The following ZNF362 variants were observed in gnomAD, a reference collection of about 807,000 sequenced individuals.
The protein encoded by ZNF362 is rotund homolog.
Under a neutral mutation model 42.9 loss-of-function variants are expected in ZNF362, and 11 were observed. The observed-to-expected ratio is 0.26, with a 90% CI of 0.16 to 0.42. ZNF362 has a LOEUF of 0.42. ZNF362 is among the 20% of genes least tolerant of loss of function. ZNF362 has a pLI of 1.00. For missense variants in ZNF362, 362 were observed against 576.2 expected (o/e 0.63, Z 3.81); for synonymous variants, 255 against 257.3 (o/e 0.99, Z 0.09).
At chr1:33,203,969 T>C in the ZNF362 span, among the ~76,000 whole-genome samples, 2 of 152,196 alleles carry the variant, frequency 1.3e-5, no homozygotes, top group Non-Finnish European at 2.9e-5. Context: ...AGAAGCTCTT[T>C]GGTTTGATGT....
the ZNF362 span, among the ~76,000 whole-genome samples, chr1:33,204,231 CT>C: frequency 6.6e-6 from 1 of 152,112 alleles, no homozygotes; most frequent in African/African-American, 2.4e-5. Context: ...AAGAGGCTGT[CT>C]TTTCCCCATT....
chr1:33,279,646 C>CTTTTTTT (rs567406398), intron 4 of ZNF362, among the ~76,000 whole-genome samples: 3 of 147,344 alleles, frequency 2.0e-5, no homozygotes, highest in Non-Finnish European at 4.5e-5. Flanking sequence ...AGTTAAGCCT[C>CTTTTTTT]TTTTTTTTTT....
chr1:33,255,741 A>C (rs1645783448), upstream of ZNF362, among the ~76,000 whole-genome samples: 1 of 151,958 alleles, frequency 6.6e-6, no homozygotes, highest in South Asian at 2.1e-4. Context: ...GGCCTGTGCA[A>C]ACTTCTACTC....
At chr1:33,255,627 G>C (rs1353743113), upstream of ZNF362, among the ~76,000 whole-genome samples, 6 of 152,190 alleles carry the variant, frequency 3.9e-5, no homozygotes. Context: ...GGAGCCGGGG[G>C]ACAGCCGGTG....
chr1:33,284,929 G>A (rs567866491), intron 6 of ZNF362, among the ~76,000 whole-genome samples: 2 of 152,186 alleles, frequency 1.3e-5, no homozygotes, highest in African/African-American at 4.8e-5. Context: ...GGATGTCAAC[G>A]TGGCAGCCTG....
chr1:33,193,004 C>CACACACACACACATATATATATAT, the ZNF362 span, among the ~76,000 whole-genome samples: 422 of 137,214 alleles, frequency 3.1e-3, 1 homozygote, highest in East Asian at 0.02. Flanking sequence ...CACACACACA[C>CACACACACACACATATATATATAT]ATATATATAT....
chr1:33,283,016 T>C (rs1646007562), intron 6 of ZNF362, among the ~76,000 whole-genome samples: 1 of 152,192 alleles, frequency 6.6e-6, no homozygotes, highest in African/African-American at 2.4e-5. Context: ...TGTCACGTGT[T>C]TGCCAATATC....
At chr1:33,227,077 T>G in the ZNF362 span, among the ~76,000 whole-genome samples, 13 of 152,158 alleles carry the variant, frequency 8.5e-5, no homozygotes, top group South Asian at 2.1e-4. Flanking sequence ...GTTTCTTTTT[T>G]GGGGTGATAA....
the ZNF362 span, chr1:33,147,868 C>T: frequency 2.2e-6 from 2 of 889,334 alleles, no homozygotes; most frequent in East Asian, 2.6e-5. This position sits in a 1 kb window ranked among gnomAD's most constrained non-coding sequence, Gnocchi z 8.1. Flanking sequence ...CAAGTCTGCC[C>T]TCTCTGGGCC....
At chr1:33,248,975 C>CGTCATT in the ZNF362 span, among the ~76,000 whole-genome samples, 2 of 152,156 alleles carry the variant, frequency 1.3e-5, no homozygotes, top group Non-Finnish European at 2.9e-5. Context: ...ATTCAATCTC[C>CGTCATT]GTCATTTTTT....
chr1:33,282,667 C>G (rs1646004061), intron 6 of ZNF362, among the ~76,000 whole-genome samples: 1 of 151,910 alleles, frequency 6.6e-6, no homozygotes, highest in African/African-American at 2.4e-5. Context: ...ACTAAAAATA[C>G]AAAAATTAGC....
the ZNF362 span, among the ~76,000 whole-genome samples, chr1:33,242,053 A>C: frequency 1.1e-4 from 16 of 152,190 alleles, no homozygotes; most frequent in Admixed American, 9.8e-4. Context: ...AGCAAGAAGA[A>C]CAAATTCCGG....
chr1:33,260,787 C>G (rs1012782694), intron 1 of ZNF362, among the ~76,000 whole-genome samples: 1 of 152,060 alleles, frequency 6.6e-6, no homozygotes, highest in Non-Finnish European at 1.5e-5. Flanking sequence ...CCTCCCACCC[C>G]GGGAGACTCA....
intron 1 of ZNF362, among the ~76,000 whole-genome samples, chr1:33,267,004 G>T (rs1246475962): frequency 6.6e-6 from 1 of 152,148 alleles, no homozygotes; most frequent in Non-Finnish European, 1.5e-5. Context: ...TCCCCGCTGG[G>T]GCCCCTGGAT....
the ZNF362 span, among the ~76,000 whole-genome samples, chr1:33,175,946 G>T: frequency 6.6e-6 from 1 of 152,114 alleles, no homozygotes; most frequent in African/African-American, 2.4e-5. Flanking sequence ...CCCAATGTTG[G>T]CCCTAAGCTT....
the ZNF362 span, among the ~76,000 whole-genome samples, chr1:33,248,753 T>G: frequency 6.6e-6 from 1 of 152,178 alleles, no homozygotes; most frequent in Non-Finnish European, 1.5e-5. Flanking sequence ...ATGCAGGTTA[T>G]TTTACTGAGA....
chr1:33,190,026 C>T, the ZNF362 span, among the ~76,000 whole-genome samples: 2 of 152,012 alleles, frequency 1.3e-5, no homozygotes, highest in Non-Finnish European at 2.9e-5. Context: ...TCAGTCCGGA[C>T]TCTGAATTCC....
the ZNF362 span, among the ~76,000 whole-genome samples, chr1:33,220,141 A>G: frequency 6.6e-6 from 1 of 152,056 alleles, no homozygotes; most frequent in Non-Finnish European, 1.5e-5. Context: ...TGGGCTTTGT[A>G]GGGAAGGAAA....
intron 6 of ZNF362, among the ~76,000 whole-genome samples, chr1:33,291,899 A>T (rs923768207): frequency 2.6e-5 from 4 of 152,096 alleles, no homozygotes; most frequent in African/African-American, 4.8e-5. Context: ...AATGCTTGTG[A>T]TTTTTGCATA....
Sources: gnomAD v4.1 joint callset for allele counts (sites outside exome capture counted in the v4.1 genomes callset) on GRCh38, gnomAD v4.1.1 for gene constraint, Gnocchi (gnomAD v3.1) non-coding constraint, MANE v1.5 for transcripts, NCBI Gene and HGNC (gene_info 2026-07-23, HGNC 2026-07-21) for gene names.